The following ADAMTS5 variants were observed in gnomAD, a reference collection of about 807,000 sequenced individuals.
ADAMTS5 encodes ADAM metallopeptidase with thrombospondin type 1 motif 5.
In ADAMTS5, 54 loss-of-function variants were observed where a neutral mutation model predicts 81.4. That is an observed-to-expected ratio of 0.66 (90% CI 0.53 to 0.83). The LOEUF is 0.83. Among genes scored for constraint, ADAMTS5 ranks in the 40% least tolerant of loss-of-function variants. ADAMTS5 has a pLI of 0.00. For synonymous variants in ADAMTS5, 532 were observed against 508.8 expected, an observed-to-expected ratio of 1.05 and a Z score of -0.61; for missense variants, 1,194 against 1,229.9, an observed-to-expected ratio of 0.97 and a Z score of 0.44.
At chr21:26,929,843 G>T in intron 7 of ADAMTS5, 43 bp downstream of exon 7, 1 of 1,582,564 alleles carries the variant, frequency 6.3e-7, no homozygotes, top group Non-Finnish European at 8.6e-7. Context: ...AGAGTCTAAA[G>T]CTTTGTTCAA....
chr21:26,965,291 C>T lies in ADAMTS5; in HGVS notation c.1101G>A (p.Arg367=), dbSNP rs1339991764. The change falls in exon 1 of 8, where the codon CGG becomes CGA. Residue 367 remains arginine, a synonymous_variant. Transcript: ENST00000284987. ...CCCGCATCCCGGCTGGACCTACCTC[C>T]CGAGTAAACAGGATAGCTGCATCGT... ...EHYDAAILFT[R]EDLCGHHSCD... is the part of the protein sequence containing the mutation. 1.2e-6 allele frequency: 2 copies of T among 1,607,230 alleles called. No individual in the cohort carries two copies. The highest frequency in any genetic ancestry group is 1.7e-5 in the Admixed American group (1 of 59,840).
intron 1 of ADAMTS5, among the ~76,000 whole-genome samples, chr21:26,963,626 C>T (rs1024736798): frequency 5.7e-5 from 5 of 87,254 alleles, no homozygotes; most frequent in African/African-American, 1.8e-4. Context: ...ACCCCAGACA[C>T]GGAAAGTTGC....
chr21:26,964,767 C>A (rs1987603573), intron 1 of ADAMTS5, among the ~76,000 whole-genome samples: 1 of 152,224 alleles, frequency 6.6e-6, no homozygotes, highest in Non-Finnish European at 1.5e-5. Context: ...AGAAAGTTTT[C>A]TCATCCTCTG....
intron 7 of ADAMTS5, among the ~76,000 whole-genome samples, chr21:26,925,359 A>C (rs1029113821): frequency 9.9e-5 from 15 of 152,164 alleles, no homozygotes; most frequent in African/African-American, 3.4e-4. Flanking sequence ...TAAAAGGGGA[A>C]TTTTTTTAAA....
intron 7 of ADAMTS5, among the ~76,000 whole-genome samples, chr21:26,928,697 CTCTCTCTTTCTTTCTT>C (rs1216181734): frequency 6.8e-6 from 1 of 147,514 alleles, no homozygotes; most frequent in Non-Finnish European, 1.5e-5. Context: ...TTCTTTCTCT[CTCTCTCTTTCTTTCTT>C]TCTCTCTTTC....
rs540326008 is a variant in ADAMTS5, at chr21:26,918,979, G to A, written c.*5074C>T. ...GCAGTTTACGTCACTGACCACTGTTGGTCAAAACAATCATTGGATGTGCTT... is the reference window on the plus strand; with the variant it reads ...GCAGTTTACGTCACTGACCACTGTTAGTCAAAACAATCATTGGATGTGCTT... On this transcript the variant is annotated 3_prime_UTR_variant, in exon 8 of 8. Transcript: ENST00000284987. 9.2e-5 allele frequency: 14 copies of A among 151,956 alleles called. No homozygotes were observed. The South Asian group carries it at 2.9e-3, about 32-fold the overall frequency. 9.4% of individuals were successfully genotyped at this position (151,956 alleles called of 1,614,324 possible). A position where few individuals can be genotyped will look rare whatever the true frequency, so the allele number is the denominator to read the frequency against.
At chr21:26,940,046 C>T (rs1421442500) in intron 3 of ADAMTS5, among the ~76,000 whole-genome samples, 1 of 152,150 alleles carries the variant, frequency 6.6e-6, no homozygotes, top group Non-Finnish European at 1.5e-5. Context: ...AATCAGGAAA[C>T]ACTCAGTACT....
At chr21:26,935,251 A>G (rs1027162230) in intron 3 of ADAMTS5, among the ~76,000 whole-genome samples, 3 of 152,012 alleles carry the variant, frequency 2.0e-5, no homozygotes, top group Non-Finnish European at 4.4e-5. Context: ...TCTCCTTTCC[A>G]CTAATTCCAT....
chr21:26,946,616 A>AG (rs1358293836), intron 2 of ADAMTS5, among the ~76,000 whole-genome samples: 1 of 152,218 alleles, frequency 6.6e-6, no homozygotes, highest in Non-Finnish European at 1.5e-5. Context: ...TTGGACAAGC[A>AG]GACCCCAGGA....
At position 26,965,885 on chromosome 21, in the gene ADAMTS5, C is replaced by T. The variant is rs758296321; in HGVS notation, c.507G>A (p.Leu169=). 33 of 1,613,794 alleles carry T rather than the reference C, an allele frequency of 2.0e-5. No homozygotes were observed. The highest frequency in any genetic ancestry group is 2.8e-5 in the Non-Finnish European group (33 of 1,179,940). The change falls in exon 1 of 8, where the codon CTG becomes CTA. Residue 169 remains leucine (L), a synonymous_variant. Coordinates refer to ENST00000284987, the MANE Select transcript of ADAMTS5 (RefSeq NM_007038.5). The part of the protein sequence containing the change: ...KHARYTLKPL[L]RGPWAEEEKG... Reference sequence around the variant, plus strand: ...TTTCTTCCTCCGCCCAGGGTCCGCGCAGCAGTGGCTTTAGGGTGTAGCGCG... The same window carrying T: ...TTTCTTCCTCCGCCCAGGGTCCGCGTAGCAGTGGCTTTAGGGTGTAGCGCG...
In ADAMTS5 at chr21:26,956,399, ACCAACAGCCTT is replaced by A. The variant is rs1334622574; in HGVS notation, c.1105-1539_1105-1529del. Among the ~76,000 whole-genome samples, 3 of 152,332 alleles carry A rather than the reference ACCAACAGCCTT, an allele frequency of 2.0e-5. No individual in the cohort carries two copies. In the East Asian group the frequency reaches 5.8e-4, roughly 29 times the overall value. ...TAGCCTTGGTTAATCATGTCACAAA[ACCAACAGCCTT>A]CCAAAGTTTCCTGTATATCCTCCCA... On this transcript the variant is annotated intron_variant, in intron 1 of 7. Coordinates refer to ENST00000284987, the MANE Select transcript of ADAMTS5 (RefSeq NM_007038.5).
chr21:26,930,016 C>G lies in ADAMTS5; in HGVS notation c.2095G>C (p.Val699Leu). The change falls in exon 7 of 8, where the codon GTC becomes CTC. Residue 699 changes from valine to leucine, a missense_variant. Val to Leu is a conservative substitution (Grantham distance 32, BLOSUM62 1). Transcript: ENST00000284987. ...CCAGTTCTCACACACTTCCCCCGGA[C>G]GCAGACGGAATTACTGTACAGCCTA... ...ECRLYSNSVC[V>L]RGKCVRTGCD... The G allele has an allele frequency of 6.2e-7, 1 of 1,613,990 alleles. No individual in the cohort carries two copies. The highest frequency in any genetic ancestry group is 8.5e-7 in the Non-Finnish European group (1 of 1,179,890).
At chr21:26,964,249 C>A (rs1987589939) in intron 1 of ADAMTS5, among the ~76,000 whole-genome samples, 1 of 152,192 alleles carries the variant, frequency 6.6e-6, no homozygotes, top group African/African-American at 2.4e-5. Context: ...CGAGTTGTGA[C>A]AACTGAGGCT....
chr21:26,962,119 T>G (rs1011035614), intron 1 of ADAMTS5, among the ~76,000 whole-genome samples: 7 of 152,220 alleles, frequency 4.6e-5, no homozygotes, highest in African/African-American at 1.4e-4. Flanking sequence ...AGTAAGGTTT[T>G]TGCTGCTTTC....
chr21:26,924,434 T>G lies in ADAMTS5; in HGVS notation c.2412A>C (p.Thr804=), dbSNP rs1251800782. 14 of 1,614,102 alleles carry G rather than the reference T, an allele frequency of 8.7e-6. No homozygotes were observed. Among genetic ancestry groups the G allele is most frequent in the Non-Finnish European group, 1.2e-5 (14 of 1,180,034 alleles). Residue 804 remains threonine, a synonymous_variant, in exon 8 of 8, where the codon ACA becomes ACC. Coordinates refer to ENST00000284987, the MANE Select transcript of ADAMTS5 (RefSeq NM_007038.5). ...GGCTCCAACCGCTATAGTTCATGAC[T>G]GTTCCATTGATGTCAATGATAGTCT... ...TSETIIDING[T]VMNYSGWSHR...
chr21:26,966,180 T>C lies in ADAMTS5; in HGVS notation c.212A>G (p.Lys71Arg). 6.2e-7 allele frequency: 1 copy of C among 1,604,642 alleles called. No homozygotes were observed. Among genetic ancestry groups the C allele is most frequent in the Non-Finnish European group, 8.5e-7 (1 of 1,175,564 alleles). ...PHPLAQRRRSKGLVQNIDQLY... is the reference protein window; with the variant it reads ...PHPLAQRRRSRGLVQNIDQLY... ...TTGGTCGATGTTCTGCACCAGCCCC[T>C]TGCTCCTGCGCCGCTGCGCCAGGGG... Residue 71 changes from lysine to arginine, a missense_variant, in exon 1 of 8, where the codon AAG (lysine) becomes AGG (arginine). Around this residue, in one of 2 missense-constraint regions of ADAMTS5, gnomAD observed 498 missense variants for 412.3 expected, o/e 1.21. Coordinates refer to ENST00000284987, the MANE Select transcript of ADAMTS5 (RefSeq NM_007038.5).
intron 3 of ADAMTS5, among the ~76,000 whole-genome samples, chr21:26,941,291 T>A (rs1472188328): frequency 6.6e-6 from 1 of 152,140 alleles, no homozygotes; most frequent in East Asian, 1.9e-4. Context: ...GAAATTTAGA[T>A]ACTTTTTTAT....
chr21:26,950,463 G>A (rs233899), intron 2 of ADAMTS5, among the ~76,000 whole-genome samples: 36,472 of 151,964 alleles, frequency 0.24, 5,215 homozygotes, highest in Non-Finnish European at 0.32. Context: ...GCCTCCACTC[G>A]AGGAACATGG....
At chr21:26,950,542 C>T (rs1475982234) in intron 2 of ADAMTS5, among the ~76,000 whole-genome samples, 2 of 152,202 alleles carry the variant, frequency 1.3e-5, no homozygotes, top group African/African-American at 4.8e-5. Flanking sequence ...CCAACATTTA[C>T]ATGCATATAA....
Sources: gnomAD v4.1 joint callset for allele counts (sites outside exome capture counted in the v4.1 genomes callset) on GRCh38, gnomAD v4.1.1 for gene constraint, gnomAD v4.1.1 regional missense constraint, MANE v1.5 for transcripts, NCBI Gene and HGNC (gene_info 2026-07-23, HGNC 2026-07-21) for gene names.